Variants in MDGA2 observed in about 807,000 individuals in gnomAD.
MDGA2 encodes the protein MAM domain containing glycosylphosphatidylinositol anchor 2, also known as MAM domain-containing glycosylphosphatidylinositol anchor protein 2.
A neutral mutation model predicts 117.8 loss-of-function variants in MDGA2; 40 were observed. That is an observed-to-expected ratio of 0.34 (90% confidence interval 0.26 to 0.44). The LOEUF (loss-of-function observed/expected upper bound fraction) is 0.44, where lower values mean the gene tolerates loss of function less well. Ranked by LOEUF, MDGA2 falls within the 20% of genes least tolerant of loss-of-function variation. The pLI, the probability that MDGA2 is intolerant of heterozygous loss-of-function variation, is 1.00. For synonymous variants in MDGA2, 452 were observed against 439.0 expected, an observed-to-expected ratio of 1.03 and a Z score of -0.37; for missense variants, 1,123 against 1,250.6, an observed-to-expected ratio of 0.90 and a Z score of 1.54.
rs141905016 is a variant in MDGA2, at chr14:47,087,929, T to A, written c.1195+8925A>T. Among the ~76,000 whole-genome samples the A allele has an allele frequency of 3.1e-4, 47 of 152,124 alleles. No homozygotes were observed. In the East Asian group the frequency reaches 8.9e-3, roughly 29 times the overall value. ...AGTGCCGACTTTTAGAGCACTACTA[T>A]CATTTTTAAAAGAAAATTGAAAGAT... On this transcript the variant is annotated intron_variant, in intron 6 of 16. Coordinates refer to ENST00000399232, the MANE Select transcript of MDGA2 (RefSeq NM_001113498.3).
chr14:46,994,874 T>C (rs1331460156), intron 8 of MDGA2, among the ~76,000 whole-genome samples: 1 of 152,170 alleles, frequency 6.6e-6, no homozygotes, highest in East Asian at 1.9e-4. Context: ...TGTTCCTTTT[T>C]TAAAACACAA....
At chr14:47,029,177 T>C (rs920882700) in intron 8 of MDGA2, among the ~76,000 whole-genome samples, 11 of 152,166 alleles carry the variant, frequency 7.2e-5, no homozygotes, top group African/African-American at 2.7e-4. Flanking sequence ...ATTATGCTTT[T>C]GTTGAATATT....
intron 3 of MDGA2, among the ~76,000 whole-genome samples, chr14:47,174,358 C>G (rs527666455): frequency 7.6e-4 from 116 of 152,170 alleles, no homozygotes; most frequent in African/African-American, 2.7e-3. Context: ...TTTTTCAGCA[C>G]CACACCACAC....
chr14:47,214,231 C>CCAA (rs973654860), intron 3 of MDGA2, among the ~76,000 whole-genome samples: 1 of 151,860 alleles, frequency 6.6e-6, no homozygotes, highest in Non-Finnish European at 1.5e-5. Flanking sequence ...GCGATTTACC[C>CCAA]CAACAACAAC....
At chr14:47,014,785 C>G (rs942338225) in intron 8 of MDGA2, among the ~76,000 whole-genome samples, 1 of 152,168 alleles carries the variant, frequency 6.6e-6, no homozygotes, top group Non-Finnish European at 1.5e-5. Context: ...TTCTCCATAT[C>G]AGAAATAAAG....
chr14:47,347,470 A>G (rs1890785587), intron 1 of MDGA2, among the ~76,000 whole-genome samples: 1 of 152,224 alleles, frequency 6.6e-6, no homozygotes, highest in African/African-American at 2.4e-5. Context: ...GCATAAAGGA[A>G]TGGAAAGAAT....
In MDGA2 at chr14:47,428,901, A is replaced by T. The variant is rs539104685; in HGVS notation, c.281-127351T>A. Among the ~76,000 whole-genome samples the T allele has an allele frequency of 3.2e-3, 487 of 152,246 alleles. 3 individuals are homozygous for T. Among genetic ancestry groups the T allele is most frequent in the African/African-American group, 0.011 (470 of 41,554 alleles). ...CTACATGGAATAGTTATTTATACAA[A>T]ATACTAAAAGCTTTGTTGAACAGAA... On this transcript the variant is annotated intron_variant, in intron 1 of 16. Transcript: ENST00000399232.
At chr14:47,525,479 G>GT (rs1216784764) in intron 1 of MDGA2, among the ~76,000 whole-genome samples, 2 of 152,290 alleles carry the variant, frequency 1.3e-5, no homozygotes, top group Admixed American at 1.3e-4. Flanking sequence ...GAGGTCAGGA[G>GT]TTTGAGACTA....
chr14:47,170,797 T>C (rs1884093955), intron 3 of MDGA2, among the ~76,000 whole-genome samples: 1 of 152,204 alleles, frequency 6.6e-6, no homozygotes, highest in Admixed American at 6.5e-5. Flanking sequence ...TATAGACTAA[T>C]TTCAAAACCA....
At chr14:47,449,244 C>T (rs970869833) in intron 1 of MDGA2, among the ~76,000 whole-genome samples, 31 of 152,016 alleles carry the variant, frequency 2.0e-4, no homozygotes, top group African/African-American at 7.5e-4. Flanking sequence ...GAAGAGTATA[C>T]TTTCATTTAA....
At chr14:47,060,512 T>A (rs1261418613) in intron 7 of MDGA2, among the ~76,000 whole-genome samples, 2 of 152,096 alleles carry the variant, frequency 1.3e-5, no homozygotes, top group African/African-American at 2.4e-5. Context: ...ACAGCTACTT[T>A]GAAACTCTGG....
chr14:46,871,841 T>C (rs1043194934), intron 14 of MDGA2: 3 of 346,802 alleles, frequency 8.7e-6, no homozygotes, highest in Non-Finnish European at 1.2e-5. Context: ...AAGTTTATAG[T>C]AGTTTAACTT....
intron 1 of MDGA2, among the ~76,000 whole-genome samples, chr14:47,370,468 GT>G (rs67255552): frequency 4.8e-5 from 1 of 20,684 alleles, no homozygotes; most frequent in African/African-American, 1.3e-4. Flanking sequence ...TCTACTTACT[GT>G]TTTTTTTTTT....
At chr14:47,673,017 G>A (rs1898103603) in intron 1 of MDGA2, among the ~76,000 whole-genome samples, 1 of 152,130 alleles carries the variant, frequency 6.6e-6, no homozygotes, top group African/African-American at 2.4e-5. Flanking sequence ...GGGAAGGAGG[G>A]GTTGGGAGAG....
At chr14:46,886,213 A>T (rs1181239373) in intron 10 of MDGA2, among the ~76,000 whole-genome samples, 1 of 152,146 alleles carries the variant, frequency 6.6e-6, no homozygotes, top group African/African-American at 2.4e-5. Context: ...TTATACTTGG[A>T]AACAAGTATA....
rs187068546 is a variant in MDGA2 at position 46,841,801 on chromosome 14, A to G, written c.*130T>C. 7 of 583,838 alleles carry G rather than the reference A, an allele frequency of 1.2e-5. No homozygotes were observed. In the East Asian group the frequency reaches 2.1e-4, roughly 18 times the overall value. 36.2% of individuals were successfully genotyped at this position (583,838 alleles called of 1,614,324 possible). ...CCAGTGCTTAAAAAAATTTGTTTTT[A>G]TTATTTTATTTTTGAGTCAGTAGTC... On this transcript the variant is annotated 3_prime_UTR_variant, in exon 17 of 17. Coordinates refer to ENST00000399232, the MANE Select transcript of MDGA2 (RefSeq NM_001113498.3).
intron 1 of MDGA2, among the ~76,000 whole-genome samples, chr14:47,374,134 T>C (rs937332398): frequency 1.8e-4 from 28 of 152,136 alleles, no homozygotes; most frequent in African/African-American, 6.8e-4. Context: ...TAGGTGTCAA[T>C]AATAGGAACA....
At chr14:47,612,780 T>C (rs1449050949) in intron 1 of MDGA2, among the ~76,000 whole-genome samples, 6 of 152,210 alleles carry the variant, frequency 3.9e-5, no homozygotes, top group Non-Finnish European at 5.9e-5. Flanking sequence ...GTGTACTTTA[T>C]ACATATTCCA....
At chr14:47,456,225 G>A (rs576452432) in intron 1 of MDGA2, among the ~76,000 whole-genome samples, 10 of 150,938 alleles carry the variant, frequency 6.6e-5, no homozygotes, top group African/African-American at 1.9e-4. Context: ...TAATGGAAAA[G>A]TTGTCAAGAA....
Sources: allele counts gnomAD v4.1 joint callset (sites outside exome capture counted in the v4.1 genomes callset), GRCh38; gene constraint gnomAD v4.1.1; transcripts MANE v1.5; gene names NCBI Gene and HGNC (gene_info 2026-07-23, HGNC 2026-07-21).